ELAPOR2: variants seen among roughly 807,000 people sequenced by gnomAD.
The protein encoded by ELAPOR2 is endosome-lysosome associated apoptosis and autophagy regulator family member 2, also known as endosome/lysosome-associated apoptosis and autophagy regulator family member 2.
ELAPOR2 carries 89 observed loss-of-function variants against 120.7 expected under a neutral mutation model. That is an observed-to-expected ratio of 0.74 (90% CI 0.62 to 0.88). The LOEUF (loss-of-function observed/expected upper bound fraction) is 0.88. Among genes scored for constraint, ELAPOR2 ranks in the 40% least tolerant of loss-of-function variants. The probability of loss-of-function intolerance (pLI) is 0.00; values close to 1 mark genes in which losing one functional copy is unlikely to be tolerated. For missense variants in ELAPOR2, 1,134 were observed against 1,251.6 expected, an observed-to-expected ratio of 0.91 and a Z score of 1.42; for synonymous variants, 444 against 444.9, an observed-to-expected ratio of 1.00 and a Z score of 0.03.
intron 1 of ELAPOR2, among the ~76,000 whole-genome samples, chr7:86,972,421 ACT>A (rs1792135817): frequency 6.6e-6 from 1 of 151,860 alleles, no homozygotes; most frequent in Non-Finnish European, 1.5e-5. Flanking sequence ...TGGTTTGCAG[ACT>A]CTTCACTGGA....
intron 1 of ELAPOR2, among the ~76,000 whole-genome samples, chr7:86,992,926 A>G (rs1792992270): frequency 6.6e-6 from 1 of 152,160 alleles, no homozygotes; most frequent in South Asian, 2.1e-4. Flanking sequence ...TAAAAACTAC[A>G]GAGATTCACT....
chr7:86,979,582 A>G (rs1428427453), intron 1 of ELAPOR2, among the ~76,000 whole-genome samples: 2 of 152,218 alleles, frequency 1.3e-5, no homozygotes, highest in Non-Finnish European at 2.9e-5. Flanking sequence ...CCTAAACCCA[A>G]CTAAGCTAGA....
rs1562891076 is a variant in ELAPOR2 at position 86,879,499 on chromosome 7, T to C, written c.*972A>G. 6.6e-6 allele frequency: 1 copy of C among 152,280 alleles called. No individual in the cohort carries two copies. The highest frequency in any genetic ancestry group is 2.4e-5 in the African/African-American group (1 of 41,574). 9.4% of individuals were successfully genotyped at this position (152,280 alleles called of 1,614,324 possible). A position where few individuals can be genotyped will look rare whatever the true frequency, so the allele number is the denominator to read the frequency against. On this transcript the variant is annotated 3_prime_UTR_variant, in exon 22 of 22. Transcript: ENST00000450689. ...AAGTCTTGCAGCAGAAAAATAACCA[T>C]ATAACCTCTGGTGCTTGACAAAGAA...
Position 87,059,442 on chromosome 7 carries a change from C to A in ELAPOR2, c.72G>T (p.Gly24=). The change falls in exon 1 of 22, where the codon GGG becomes GGT. Residue 24 remains glycine (G), a synonymous_variant. Transcript: ENST00000450689. ...AGGCGGGGCTCCAGGGCGGCGAGCGCCCGCGGCGGGGAGCCTCCGCCGGCC... is the reference window on the plus strand; with the variant it reads ...AGGCGGGGCTCCAGGGCGGCGAGCGACCGCGGCGGGGAGCCTCCGCCGGCC... ...WGRPAEAPRR[G]RSPPWSPAWI... is the part of the protein sequence containing the mutation. The A allele has an allele frequency of 8.1e-7, 1 of 1,230,632 alleles. No individual in the cohort carries two copies. The highest frequency in any genetic ancestry group is 1.0e-6 in the Non-Finnish European group (1 of 983,794). 76.2% of individuals were successfully genotyped at this position (1,230,632 alleles called of 1,614,324 possible). A position where few individuals can be genotyped will look rare whatever the true frequency, so the allele number is the denominator to read the frequency against.
chr7:86,991,414 C>T (rs111479069), intron 1 of ELAPOR2, among the ~76,000 whole-genome samples: 11,393 of 152,152 alleles, frequency 0.075, 469 homozygotes, highest in Admixed American at 0.11. Context: ...CAACATTGTT[C>T]TCTTTCCAGT....
At chr7:86,938,779 G>GA in intron 7 of ELAPOR2, 29 bp downstream of exon 7, 1 of 1,609,440 alleles carries the variant, frequency 6.2e-7, no homozygotes, top group East Asian at 2.2e-5. Context: ...CATTTAGAAA[G>GA]AAAAAAGCAG....
chr7:86,876,959 A>G lies in ELAPOR2; in HGVS notation c.*3512T>C, dbSNP rs1732525634. On this transcript the variant is annotated 3_prime_UTR_variant, in exon 22 of 22. Coordinates refer to ENST00000450689, the MANE Select transcript of ELAPOR2 (RefSeq NM_001142749.3). ...GGAATGCAGCCACGCCCATCCATTT[A>G]CATTTTGTATGTGGTTGCTTTCATA... The G allele has an allele frequency of 2.0e-5, 3 of 152,190 alleles. No individual in the cohort carries two copies. The South Asian group carries it at 6.2e-4, about 32-fold the overall frequency. The allele number at this position is 152,190 out of a possible 1,614,324, so 9.4% of individuals were successfully genotyped here.
chr7:86,984,235 T>C (rs946122545), intron 1 of ELAPOR2, among the ~76,000 whole-genome samples: 2 of 152,128 alleles, frequency 1.3e-5, no homozygotes, highest in African/African-American at 4.8e-5. Flanking sequence ...ACAATAATAA[T>C]GGGAGACTTT....
At chr7:86,896,679 A>G (rs1171830099) in intron 19 of ELAPOR2, among the ~76,000 whole-genome samples, 1 of 152,114 alleles carries the variant, frequency 6.6e-6, no homozygotes, top group African/African-American at 2.4e-5. Flanking sequence ...GTGGTCTTGA[A>G]GCAGATTAAG....
At chr7:86,947,253 A>T (rs1359292260) in intron 3 of ELAPOR2, among the ~76,000 whole-genome samples, 2 of 152,198 alleles carry the variant, frequency 1.3e-5, no homozygotes, top group Non-Finnish European at 2.9e-5. Flanking sequence ...CAGCTTTGTC[A>T]TATGCAAAGC....
chr7:86,984,440 G>C (rs897774522), intron 1 of ELAPOR2, among the ~76,000 whole-genome samples: 25 of 152,132 alleles, frequency 1.6e-4, no homozygotes, highest in Non-Finnish European at 8.8e-5. Context: ...TGGAAGTAAA[G>C]CACTCCTTGG....
rs776111207 is a variant in ELAPOR2, at chr7:86,919,339, A to G, written c.1400-29T>C. On this transcript the variant is annotated intron_variant, in intron 10 of 21. Coordinates refer to ENST00000450689, the MANE Select transcript of ELAPOR2 (RefSeq NM_001142749.3). ...GAAGTAATAAAAGTCATTTTTATTA[A>G]TAAAAATTCCATTAATGATCTCCAA... is the stretch of plus-strand genomic sequence containing the variant. The G allele has an allele frequency of 3.2e-5, 44 of 1,370,870 alleles. 1 individual carries two copies. The South Asian group carries it at 5.4e-4, about 17-fold the overall frequency. The allele number at this position is 1,370,870 out of a possible 1,614,324, so 84.9% of individuals were successfully genotyped here.
rs556838274 is a variant in ELAPOR2 at position 86,905,859 on chromosome 7, T to C, written c.2558+1811A>G. Among the ~76,000 whole-genome samples, 5 of 152,284 alleles carry C rather than the reference T, an allele frequency of 3.3e-5. 1 individual carries two copies. In the South Asian group the frequency reaches 1.0e-3, roughly 32 times the overall value. On this transcript the variant is annotated intron_variant, in intron 18 of 21. Transcript: ENST00000450689. ...GGCAAAGATAGTTTACTTCCCTAAGTGGCAGATTCCTGGAGGTCAAAGGAG... is the reference window on the plus strand; with the variant it reads ...GGCAAAGATAGTTTACTTCCCTAAGCGGCAGATTCCTGGAGGTCAAAGGAG...
intron 1 of ELAPOR2, among the ~76,000 whole-genome samples, chr7:86,971,645 A>G (rs1340735583): frequency 6.6e-6 from 1 of 152,206 alleles, no homozygotes. Flanking sequence ...GTTTCTAAAG[A>G]GAGCAGAGTA....
At chr7:86,940,291 GA>G (rs1400376968) in intron 5 of ELAPOR2, among the ~76,000 whole-genome samples, 176 bp from the exon 6 acceptor site, 1 of 151,288 alleles carries the variant, frequency 6.6e-6, no homozygotes, top group African/African-American at 2.4e-5. Flanking sequence ...TTTCTTAAAA[GA>G]AAAAAAATGG....
intron 13 of ELAPOR2, among the ~76,000 whole-genome samples, chr7:86,914,041 T>G (rs1168420249): frequency 6.6e-6 from 1 of 152,154 alleles, no homozygotes; most frequent in Admixed American, 6.6e-5. Context: ...ACTGAAAGCC[T>G]GAAGAGAAGA....
chr7:86,935,486 G>T (rs1276251204), intron 8 of ELAPOR2, among the ~76,000 whole-genome samples: 2 of 151,940 alleles, frequency 1.3e-5, no homozygotes, highest in African/African-American at 4.8e-5. Flanking sequence ...ATCCCAATTG[G>T]AAATAATAAT....
intron 1 of ELAPOR2, among the ~76,000 whole-genome samples, chr7:87,043,108 G>A (rs1794837564): frequency 6.6e-6 from 1 of 151,850 alleles, no homozygotes; most frequent in African/African-American, 2.4e-5. Flanking sequence ...CTGAAATTGT[G>A]GCAATAATCA....
intron 1 of ELAPOR2, among the ~76,000 whole-genome samples, chr7:87,054,008 C>A (rs1795190151): frequency 6.6e-6 from 1 of 152,162 alleles, no homozygotes; most frequent in African/African-American, 2.4e-5. Flanking sequence ...GATTACAAAG[C>A]TCCATGGAGC....
Sources: allele counts gnomAD v4.1 joint callset (sites outside exome capture counted in the v4.1 genomes callset), GRCh38; gene constraint gnomAD v4.1.1; transcripts MANE v1.5; gene names NCBI Gene and HGNC (gene_info 2026-07-23, HGNC 2026-07-21).